Variants in FBH1 observed in about 807,000 individuals in gnomAD.
The protein encoded by FBH1 is F-box DNA helicase 1, also known as DNA 3'-5' helicase 1.
FBH1 carries 43 observed loss-of-function variants against 115.5 expected under a neutral mutation model. The observed-to-expected ratio is 0.37, with a 90% CI of 0.29 to 0.48. FBH1 has a LOEUF of 0.48. FBH1 is among the 20% of genes least tolerant of loss of function. The pLI, the probability that FBH1 is intolerant of heterozygous loss-of-function variation, is 0.99. For synonymous variants in FBH1, 524 were observed against 507.8 expected, an observed-to-expected ratio of 1.03 and a Z score of -0.43; for missense variants, 1,001 against 1,337.3, an observed-to-expected ratio of 0.75 and a Z score of 3.92.
In FBH1 at chr10:5,925,537, G is replaced by C. The variant is rs375368065; in HGVS notation, c.2722+45G>C. On this transcript the variant is annotated intron_variant, in intron 18 of 20. Coordinates refer to ENST00000362091, the MANE Select transcript of FBH1 (RefSeq NM_178150.3). The surrounding 1 kb of genome is among the most constrained non-coding windows in gnomAD (Gnocchi z 4.6). ...TGTCAGGTGCTGCTGTATGTAGTGA[G>C]TGGTGACTGGAATGCTTCCTTTGCA... 3 of 1,608,042 alleles carry C rather than the reference G, an allele frequency of 1.9e-6. No individual in the cohort carries two copies. Among genetic ancestry groups the C allele is most frequent in the Non-Finnish European group, 2.5e-6 (3 of 1,177,476 alleles).
chr10:5,909,270 C>G lies in FBH1; in HGVS notation c.996C>G (p.Leu332=). 1 of 1,611,548 alleles carries G rather than the reference C, an allele frequency of 6.2e-7. No individual in the cohort carries two copies. Among genetic ancestry groups the G allele is most frequent in the Non-Finnish European group, 8.5e-7 (1 of 1,180,004 alleles). ...CTGAGGCGTGTGTGCGGCAACACCT[C>G]CCCGACCTCTACGCTGCTGCCGGGG... is the stretch of plus-strand genomic sequence containing the variant. ...PEAEACVRQH[L]PDLYAAAGGV... Residue 332 remains leucine (L), a synonymous_variant, in exon 5 of 21, where the codon CTC becomes CTG. Transcript: ENST00000362091. This position sits in a 1 kb window ranked among gnomAD's most constrained non-coding sequence, Gnocchi z 4.4.
At chr10:5,934,504 G>A (rs1345023901) in intron 19 of FBH1, 2 of 151,800 alleles carry the variant, frequency 1.3e-5, no homozygotes, top group Admixed American at 1.3e-4. Context: ...CAGCCTCAGA[G>A]TAGCTGGGAT....
chr10:5,908,024 G>A (rs627595), intron 3 of FBH1, among the ~76,000 whole-genome samples: 151,860 of 152,332 alleles, frequency 1, 75,697 homozygotes, highest in Non-Finnish European at 1. Context: ...CGTTCAGCCC[G>A]CTTAGTCCAT....
Position 5,918,500 on chromosome 10 carries a change from G to T in FBH1, c.2100+22G>T. On this transcript the variant is annotated intron_variant, in intron 13 of 20. Transcript: ENST00000362091. This position sits in a 1 kb window ranked among gnomAD's most constrained non-coding sequence, Gnocchi z 4.0. ...GCAGGTAAGTGCGCACTCTGCATGGGAGGCATTGCATCTCTCTCCCAATGT... is the reference window on the plus strand; with the variant it reads ...GCAGGTAAGTGCGCACTCTGCATGGTAGGCATTGCATCTCTCTCCCAATGT... 6.5e-7 allele frequency: 1 copy of T among 1,544,332 alleles called. No individual in the cohort carries two copies. Among genetic ancestry groups the T allele is most frequent in the Non-Finnish European group, 8.7e-7 (1 of 1,149,766 alleles).
rs1432086938 is a variant in FBH1 at position 5,906,653 on chromosome 10, G to A, written c.753+21G>A. 4 of 1,566,690 alleles carry A rather than the reference G, an allele frequency of 2.6e-6. No homozygotes were observed. In the East Asian group the frequency reaches 6.8e-5, roughly 26 times the overall value. ...CGCTGGTGAGTGAGTGCTGGAGTCG[G>A]GAGATGTTTCCTCTAAAAGCACGTA... is the stretch of plus-strand genomic sequence containing the variant. On this transcript the variant is annotated intron_variant, in intron 3 of 20. Transcript: ENST00000362091. The surrounding 1 kb of genome is among the most constrained non-coding windows in gnomAD (Gnocchi z 7.3).
At chr10:5,898,739 T>C (rs1012590983) in intron 1 of FBH1, among the ~76,000 whole-genome samples, 34 of 152,280 alleles carry the variant, frequency 2.2e-4, no homozygotes, top group Admixed American at 1.7e-3. Context: ...ACCGTCACCT[T>C]GCGGGTGAGG....
At chr10:5,922,835 C>T (rs1832391139) in intron 15 of FBH1, among the ~76,000 whole-genome samples, 2 of 152,168 alleles carry the variant, frequency 1.3e-5, no homozygotes, top group African/African-American at 4.8e-5. Flanking sequence ...GCTGTCTCCT[C>T]CAGGAGCTGA....
chr10:5,898,951 C>T (rs770280055), intron 1 of FBH1, among the ~76,000 whole-genome samples: 10 of 152,170 alleles, frequency 6.6e-5, no homozygotes, highest in South Asian at 2.1e-4. Context: ...ATCAATGCAC[C>T]GTTGTTACAG....
Position 5,895,119 on chromosome 10 carries a change from TG to T in FBH1, c.1+4776del. On this transcript the variant is annotated intron_variant, in intron 1 of 20. Coordinates refer to ENST00000362091, the MANE Select transcript of FBH1 (RefSeq NM_178150.3). The surrounding 1 kb of genome is among the most constrained non-coding windows in gnomAD (Gnocchi z 5.0). ...AATGGGCTACATTGCGCAGGGCCCC[TG>T]GGCCATCTCCACAGGAGATGCCAGA... The T allele has an allele frequency of 6.2e-7, 1 of 1,614,108 alleles. No homozygotes were observed. The highest frequency in any genetic ancestry group is 8.5e-7 in the Non-Finnish European group (1 of 1,179,976).
Position 5,913,484 on chromosome 10 carries a change from C to T in FBH1, c.1212-263C>T, listed in dbSNP as rs1304156538. On this transcript the variant is annotated intron_variant, in intron 6 of 20. Coordinates refer to ENST00000362091, the MANE Select transcript of FBH1 (RefSeq NM_178150.3). This position sits in a 1 kb window ranked among gnomAD's most constrained non-coding sequence, Gnocchi z 4.4. ...TCTCTTCAAGTCACAGCTGGCGCCCCTCATTCCCTGAAGAGCCCGTCCTGG... is the reference window on the plus strand; with the variant it reads ...TCTCTTCAAGTCACAGCTGGCGCCCTTCATTCCCTGAAGAGCCCGTCCTGG... 6.6e-6 allele frequency among the ~76,000 whole-genome samples: 1 copy of T among 152,160 alleles called. No homozygotes were observed. Among genetic ancestry groups the T allele is most frequent in the East Asian group, 1.9e-4 (1 of 5,186 alleles).
chr10:5,931,905 G>T lies in FBH1; in HGVS notation c.2829+4364G>T, dbSNP rs1832991590. Among the ~76,000 whole-genome samples the T allele has an allele frequency of 6.6e-6, 1 of 152,214 alleles. No individual in the cohort carries two copies. The highest frequency in any genetic ancestry group is 1.9e-4 in the East Asian group (1 of 5,184). On this transcript the variant is annotated intron_variant, in intron 19 of 20. Transcript: ENST00000362091. This position sits in a 1 kb window ranked among gnomAD's most constrained non-coding sequence, Gnocchi z 4.3. The stretch of plus-strand genomic sequence containing the variant: ...ACCCCTGTAATCCCAGCACTTTGCG[G>T]GGCTGAGGCAGACAGGTCACTTTAA...
At position 5,925,114 on chromosome 10, in the gene FBH1, C is replaced by G. The variant is rs1309147621; in HGVS notation, c.2597-253C>G. ...ACGGTGGGTGGAGCCACTCTGTCCT[C>G]TGGGATGTGATTCCGAGAGGCGTTA... On this transcript the variant is annotated intron_variant, in intron 17 of 20. Coordinates refer to ENST00000362091, the MANE Select transcript of FBH1 (RefSeq NM_178150.3). The surrounding 1 kb of genome is among the most constrained non-coding windows in gnomAD (Gnocchi z 4.6). The G allele has an allele frequency of 6.5e-6, 3 of 459,194 alleles. No individual in the cohort carries two copies. The highest frequency in any genetic ancestry group is 1.2e-5 in the Non-Finnish European group (3 of 253,692). 28.4% of individuals were successfully genotyped at this position (459,194 alleles called of 1,614,324 possible).
In FBH1 at chr10:5,909,234, C is replaced by T; in HGVS notation, c.960C>T (p.Leu320=). Residue 320 remains leucine (L), a synonymous_variant, in exon 5 of 21, where the codon CTC becomes CTT. Transcript: ENST00000362091. This position sits in a 1 kb window ranked among gnomAD's most constrained non-coding sequence, Gnocchi z 4.4. ...RVLWSLRDHP[L]LPEAEACVRQ... is the part of the protein sequence containing the mutation. Reference sequence around the variant, plus strand: ...TGTGGAGTCTGAGGGACCACCCCCTCCTCCCCGAGGCTGAGGCGTGTGTGC... The same window carrying T: ...TGTGGAGTCTGAGGGACCACCCCCTTCTCCCCGAGGCTGAGGCGTGTGTGC... The T allele has an allele frequency of 6.2e-7, 1 of 1,613,396 alleles. No individual in the cohort carries two copies. The highest frequency in any genetic ancestry group is 1.7e-5 in the Admixed American group (1 of 60,010).
intron 1 of FBH1, among the ~76,000 whole-genome samples, chr10:5,902,506 G>A (rs921520845): frequency 2.6e-5 from 4 of 151,952 alleles, no homozygotes; most frequent in South Asian, 2.1e-4. Flanking sequence ...TTGCTGTGTC[G>A]CCCAGATTGG....
In FBH1 at chr10:5,924,487, A is replaced by G. The variant is rs751148336; in HGVS notation, c.2575A>G (p.Ile859Val). ...ELVQRIEKCH[I>V]EDLDFAEYIL... Reference sequence around the variant, plus strand: ...GGTGCAAAGGATAGAAAAATGCCATATAGAAGATTTGGACTTTGCAGGTAA... The same window carrying G: ...GGTGCAAAGGATAGAAAAATGCCATGTAGAAGATTTGGACTTTGCAGGTAA... Residue 859 changes from isoleucine (I) to valine (V), a missense_variant, in exon 17 of 21, where the codon ATA becomes GTA. This residue lies in a region of FBH1 where 521 missense variants were observed against 811.0 expected (regional missense o/e 0.64). Transcript: ENST00000362091. The surrounding 1 kb of genome is among the most constrained non-coding windows in gnomAD (Gnocchi z 6.2). The G allele has an allele frequency of 1.9e-6, 3 of 1,614,024 alleles. No individual in the cohort carries two copies. The highest frequency in any genetic ancestry group is 1.1e-5 in the South Asian group (1 of 91,080).
rs1331499225 is a variant in FBH1, at chr10:5,932,771, A to G, written c.2830-3685A>G. ...CTGGCTCTGTCACCCAGGCTGGAAT[A>G]TGGCGGCACAATCTTGGCCCACTGC... is the stretch of plus-strand genomic sequence containing the variant. On this transcript the variant is annotated intron_variant, in intron 19 of 20. Coordinates refer to ENST00000362091, the MANE Select transcript of FBH1 (RefSeq NM_178150.3). This position sits in a 1 kb window ranked among gnomAD's most constrained non-coding sequence, Gnocchi z 5.9. Among the ~76,000 whole-genome samples the G allele has an allele frequency of 1.3e-5, 2 of 152,084 alleles. No individual in the cohort carries two copies. The highest frequency in any genetic ancestry group is 2.4e-5 in the African/African-American group (1 of 41,412).
Position 5,931,584 on chromosome 10 carries a change from T to C in FBH1, c.2829+4043T>C, listed in dbSNP as rs1269229293. The stretch of plus-strand genomic sequence containing the variant: ...CTATTCTATGTATTTAAAAATAATA[T>C]TCAAAATAATGCCAGTATTAATGGA... On this transcript the variant is annotated intron_variant, in intron 19 of 20. Transcript: ENST00000362091. The surrounding 1 kb of genome is among the most constrained non-coding windows in gnomAD (Gnocchi z 4.3). Among the ~76,000 whole-genome samples the C allele has an allele frequency of 6.6e-6, 1 of 152,228 alleles. No homozygotes were observed. The highest frequency in any genetic ancestry group is 1.5e-5 in the Non-Finnish European group (1 of 68,038).
chr10:5,907,712 G>A (rs1213796591), intron 3 of FBH1, among the ~76,000 whole-genome samples: 1 of 152,066 alleles, frequency 6.6e-6, no homozygotes, highest in Non-Finnish European at 1.5e-5. Flanking sequence ...GGCCTTAAGT[G>A]ATCCGCCTGT....
At position 5,924,430 on chromosome 10, in the gene FBH1, G is replaced by A; in HGVS notation, c.2518G>A (p.Val840Ile). The change falls in exon 17 of 21, where the codon GTT becomes ATT. Residue 840 changes from valine to isoleucine, a missense_variant. By Grantham distance (29) the Val-to-Ile change is conservative. Transcript: ENST00000362091. This position sits in a 1 kb window ranked among gnomAD's most constrained non-coding sequence, Gnocchi z 6.2. ...DKELEAKIAV[V>I]EKYNIRIPEL... ...GGAGCTTGAAGCCAAGATCGCAGTTGTTGAAAAGTATAACATCAGGATTCC... is the reference window on the plus strand; with the variant it reads ...GGAGCTTGAAGCCAAGATCGCAGTTATTGAAAAGTATAACATCAGGATTCC... The A allele has an allele frequency of 6.2e-7, 1 of 1,614,216 alleles. No homozygotes were observed. The highest frequency in any genetic ancestry group is 8.5e-7 in the Non-Finnish European group (1 of 1,180,038).
Sources: allele counts gnomAD v4.1 joint callset (sites outside exome capture counted in the v4.1 genomes callset), GRCh38; gene constraint gnomAD v4.1.1; regional missense constraint gnomAD v4.1.1; non-coding constraint Gnocchi (gnomAD v3.1); transcripts MANE v1.5; gene names NCBI Gene and HGNC (gene_info 2026-07-23, HGNC 2026-07-21).